Variants in CABLES1 observed in about 807,000 individuals in gnomAD.
CABLES1 encodes Cdk5 and Abl enzyme substrate 1.
A neutral mutation model predicts 57.8 loss-of-function variants in CABLES1; 36 were observed. The ratio of observed to expected loss-of-function variants is 0.62; its 90% CI spans 0.48 to 0.82. The LOEUF is 0.82. Among genes scored for constraint, CABLES1 ranks in the 40% least tolerant of loss-of-function variants. CABLES1 has a pLI of 0.00. For synonymous variants in CABLES1, 374 were observed against 363.0 expected (o/e 1.03, Z -0.35); for missense variants, 767 against 836.6 (o/e 0.92, Z 1.03).
In CABLES1 at chr18:23,181,496, C is replaced by CAAAAAAA. The variant is rs59742943; in HGVS notation, c.846-7317_846-7311dup. 5.0e-3 allele frequency among the ~76,000 whole-genome samples: 177 copies of CAAAAAAA among 35,388 alleles called. 22 individuals are homozygous for CAAAAAAA. The highest frequency in any genetic ancestry group is 0.011 in the South Asian group (5 of 462). The allele number at this position is 35,388 out of a possible 152,430, so 23.2% of individuals were successfully genotyped here. On this transcript the variant is annotated intron_variant, in intron 1 of 9. Coordinates refer to ENST00000256925, the MANE Select transcript of CABLES1 (RefSeq NM_001100619.3). ...GGGCAACAAGAGCAAAGCTTCGTCT[C>CAAAAAAA]AAAAAAAAAAAAAAAAAAAAAAAAA...
rs1399581212 is a variant in CABLES1, at chr18:23,211,066, G to A, written c.1011-2911G>A. 3.3e-5 allele frequency among the ~76,000 whole-genome samples: 5 copies of A among 151,822 alleles called. No homozygotes were observed. The East Asian group carries it at 9.6e-4, about 29-fold the overall frequency. ...GTCAGCCTCTCCTAGATATAGTGGTGCGGACCACCCAGAGTGAGCGCTCAC... is the reference window on the plus strand; with the variant it reads ...GTCAGCCTCTCCTAGATATAGTGGTACGGACCACCCAGAGTGAGCGCTCAC... On this transcript the variant is annotated intron_variant, in intron 3 of 9. Transcript: ENST00000256925.
At chr18:23,228,999 C>T (rs901932867) in intron 4 of CABLES1, among the ~76,000 whole-genome samples, 3 of 152,152 alleles carry the variant, frequency 2.0e-5, no homozygotes, top group Non-Finnish European at 2.9e-5. Flanking sequence ...CCTGACTAAC[C>T]GTGTTCACCT....
At chr18:23,231,003 C>A (rs183547810) in intron 4 of CABLES1, among the ~76,000 whole-genome samples, 182 of 151,196 alleles carry the variant, frequency 1.2e-3, no homozygotes, top group Non-Finnish European at 2.1e-3. Flanking sequence ...AGGCATGGGT[C>A]CCATTTGATC....
intron 1 of CABLES1, among the ~76,000 whole-genome samples, chr18:23,181,496 CAAA>C (rs59742943): frequency 0.016 from 572 of 35,262 alleles, 1 homozygote; most frequent in African/African-American, 0.049. Flanking sequence ...AGCTTCGTCT[CAAA>C]AAAAAAAAAA....
intron 3 of CABLES1, among the ~76,000 whole-genome samples, 175 bp downstream of exon 3, chr18:23,194,715 A>G (rs776673896): frequency 6.6e-6 from 1 of 152,196 alleles, no homozygotes; most frequent in Non-Finnish European, 1.5e-5. Context: ...AGAATCACCA[A>G]AAGCAATCTG....
In CABLES1 at chr18:23,194,543, AC is replaced by A; in HGVS notation, c.1010+4del. The A allele has an allele frequency of 6.3e-7, 1 of 1,591,558 alleles. No homozygotes were observed. Among genetic ancestry groups the A allele is most frequent in the Non-Finnish European group, 8.6e-7 (1 of 1,159,470 alleles). ...CAACACGATACCAGGAATGGCAGGT[AC>A]TACATTCACACAGAAGCGGCTGCCA... On this transcript the variant is annotated splice_donor_region_variant and intron_variant, in intron 3 of 9. Transcript: ENST00000256925.
chr18:23,199,239 A>AAT (rs1448906527), intron 3 of CABLES1, among the ~76,000 whole-genome samples: 2 of 152,242 alleles, frequency 1.3e-5, no homozygotes, highest in Non-Finnish European at 2.9e-5. Flanking sequence ...TTGCTGGTGG[A>AAT]ATATAAAATG....
chr18:23,135,669 C>G lies in CABLES1; in HGVS notation c.-94C>G. ...CGCCGCCCGATCCCCGCGCCCTACC[C>G]AGCCCGGGTCGCCGCCGCTCGCGCC... On this transcript the variant is annotated 5_prime_UTR_variant, in exon 1 of 10. Coordinates refer to ENST00000256925, the MANE Select transcript of CABLES1 (RefSeq NM_001100619.3). The G allele has an allele frequency of 1.0e-6, 1 of 975,044 alleles. No individual in the cohort carries two copies. Among genetic ancestry groups the G allele is most frequent in the Non-Finnish European group, 1.2e-6 (1 of 822,318 alleles). The allele number at this position is 975,044 out of a possible 1,614,324, so 60.4% of individuals were successfully genotyped here.
chr18:23,230,292 A>G (rs1272788526), intron 4 of CABLES1, among the ~76,000 whole-genome samples: 1 of 152,210 alleles, frequency 6.6e-6, no homozygotes, highest in Non-Finnish European at 1.5e-5. Flanking sequence ...GAATGGCATG[A>G]ACCCAGGAGG....
chr18:23,218,914 A>C (rs980328497), intron 4 of CABLES1, among the ~76,000 whole-genome samples: 1 of 152,174 alleles, frequency 6.6e-6, no homozygotes, highest in African/African-American at 2.4e-5. Context: ...ATCCCAAGAC[A>C]ATGGAGGGTG....
chr18:23,233,941 C>T (rs2047583737), intron 4 of CABLES1, among the ~76,000 whole-genome samples: 1 of 151,964 alleles, frequency 6.6e-6, no homozygotes, highest in Non-Finnish European at 1.5e-5. Flanking sequence ...CCCAGGCTGG[C>T]TGCTGTGGCT....
At chr18:23,137,726 G>T (rs1598792644) in intron 1 of CABLES1, among the ~76,000 whole-genome samples, 1 of 152,166 alleles carries the variant, frequency 6.6e-6, no homozygotes, top group Non-Finnish European at 1.5e-5. Context: ...GGAAGAACAG[G>T]CCCGCCTCAT....
In CABLES1 at chr18:23,135,659, G is replaced by T. The variant is rs1191430919; in HGVS notation, c.-104G>T. The stretch of plus-strand genomic sequence containing the variant: ...CCGCCGCGCACGCCGCCCGATCCCC[G>T]CGCCCTACCCAGCCCGGGTCGCCGC... On this transcript the variant is annotated 5_prime_UTR_variant, in exon 1 of 10. Transcript: ENST00000256925. The T allele has an allele frequency of 6.3e-6, 6 of 950,676 alleles. No homozygotes were observed. The East Asian group carries it at 5.9e-4, about 94-fold the overall frequency. 58.9% of individuals were successfully genotyped at this position (950,676 alleles called of 1,614,324 possible).
intron 3 of CABLES1, among the ~76,000 whole-genome samples, chr18:23,199,402 A>C (rs1384338959): frequency 1.3e-5 from 2 of 152,134 alleles, no homozygotes; most frequent in Non-Finnish European, 2.9e-5. Context: ...AGATATTTAT[A>C]CACCAATGCA....
intron 8 of CABLES1, 24 bp downstream of exon 8, chr18:23,253,090 T>A: frequency 7.2e-7 from 1 of 1,388,386 alleles, no homozygotes; most frequent in South Asian, 1.2e-5. Context: ...GACTTGCCTG[T>A]GACCTTTCCC....
Position 23,136,000 on chromosome 18 carries a change from C to T in CABLES1, c.238C>T (p.Pro80Ser). 1 of 1,141,052 alleles carries T rather than the reference C, an allele frequency of 8.8e-7. No homozygotes were observed. The highest frequency in any genetic ancestry group is 4.6e-5 in the East Asian group (1 of 21,914). 70.7% of individuals were successfully genotyped at this position (1,141,052 alleles called of 1,614,324 possible). Residue 80 changes from proline to serine, a missense_variant, in exon 1 of 10, where the codon CCG (proline) becomes TCG (serine). Coordinates refer to ENST00000256925, the MANE Select transcript of CABLES1 (RefSeq NM_001100619.3). ...CATCTCGCTGGACGGCCGGCTGCCG[C>T]CGCAGGACGCGGAGTGGGGCGGTGG... is the stretch of plus-strand genomic sequence containing the variant. ...TNISLDGRLP[P>S]QDAEWGGGEE...
intron 1 of CABLES1, among the ~76,000 whole-genome samples, chr18:23,151,192 T>C (rs2046928033): frequency 6.6e-6 from 1 of 151,976 alleles, no homozygotes; most frequent in South Asian, 2.1e-4. Context: ...CTAATTTTTG[T>C]ATTTTTTAGT....
At chr18:23,245,258 A>T (rs2047845218) in intron 7 of CABLES1, among the ~76,000 whole-genome samples, 1 of 152,160 alleles carries the variant, frequency 6.6e-6, no homozygotes, top group Non-Finnish European at 1.5e-5. Context: ...CTGTAACCCC[A>T]ACGCTTTGGG....
chr18:23,135,919 C>T lies in CABLES1; in HGVS notation c.157C>T (p.Arg53Trp), dbSNP rs1178525911. ...APAQPPPEPP[R>W]KPRMDPRRRQ... Reference sequence around the variant, plus strand: ...GGCCCAGCCGCCGCCCGAACCCCCCCGGAAGCCGCGCATGGACCCGCGGCG... The same window carrying T: ...GGCCCAGCCGCCGCCCGAACCCCCCTGGAAGCCGCGCATGGACCCGCGGCG... Residue 53 changes from arginine to tryptophan, a missense_variant, in exon 1 of 10, where the codon CGG becomes TGG. Arg to Trp is a moderately radical substitution (Grantham distance 101, BLOSUM62 -3). Around this residue, in one of 4 missense-constraint regions of CABLES1, gnomAD observed 198 missense variants for 149.7 expected, o/e 1.32. Transcript: ENST00000256925. The T allele has an allele frequency of 5.5e-6, 6 of 1,095,932 alleles. No homozygotes were observed. The South Asian group carries it at 1.2e-4, about 22-fold the overall frequency. 67.9% of individuals were successfully genotyped at this position (1,095,932 alleles called of 1,614,324 possible). A position where few individuals can be genotyped will look rare whatever the true frequency, so the allele number is the denominator to read the frequency against.
Sources: allele counts gnomAD v4.1 joint callset (sites outside exome capture counted in the v4.1 genomes callset), GRCh38; gene constraint gnomAD v4.1.1; regional missense constraint gnomAD v4.1.1; transcripts MANE v1.5; gene names NCBI Gene and HGNC (gene_info 2026-07-23, HGNC 2026-07-21).